PTPN3: variants seen among roughly 807,000 people sequenced by gnomAD.
PTPN3 encodes the protein protein tyrosine phosphatase non-receptor type 3.
Under a neutral mutation model 132.7 loss-of-function variants are expected in PTPN3, and 96 were observed. That is an observed-to-expected ratio of 0.72 (90% CI 0.61 to 0.86). The LOEUF is 0.86. Ranked by LOEUF, PTPN3 falls within the 40% of genes least tolerant of loss-of-function variation. The pLI is 0.00. For missense variants in PTPN3, 1,125 were observed against 1,159.6 expected, an observed-to-expected ratio of 0.97 and a Z score of 0.43; for synonymous variants, 398 against 429.0, an observed-to-expected ratio of 0.93 and a Z score of 0.89.
At chr9:109,451,114 A>G (rs1400442288) in intron 5 of PTPN3, 25 of 970,730 alleles carry the variant, frequency 2.6e-5, no homozygotes, top group Non-Finnish European at 2.9e-5. Flanking sequence ...TCTGGCAGCT[A>G]GTCGTGGTGG....
intron 1 of PTPN3, among the ~76,000 whole-genome samples, chr9:109,485,449 A>G (rs1158646184): frequency 1.3e-5 from 2 of 152,224 alleles, no homozygotes; most frequent in East Asian, 1.9e-4. Flanking sequence ...CGGAGCTTGC[A>G]GTGAGCCGAG....
chr9:109,382,441 C>T lies in PTPN3; in HGVS notation c.2389G>A (p.Glu797Lys), dbSNP rs1265458936. The T allele has an allele frequency of 1.2e-5, 19 of 1,614,018 alleles. No individual in the cohort carries two copies. Among genetic ancestry groups the T allele is most frequent in the East Asian group, 6.7e-5 (3 of 44,896 alleles). ...TGGAGATGTGTCACTGTGTGTTCTT[C>T]CCCGGTCTGTGGGAGATGCAGTGGC... Reference protein sequence around the residue: ...EMLVTNTQTGEEHTVTHLQYV... With the variant: ...EMLVTNTQTGKEHTVTHLQYV... Residue 797 changes from glutamate (E) to lysine (K), a missense_variant, in exon 24 of 26, where the codon GAA (glutamate) becomes AAA (lysine). Glu to Lys is a moderately conservative substitution (Grantham distance 56, BLOSUM62 1). Coordinates refer to ENST00000374541, the MANE Select transcript of PTPN3 (RefSeq NM_002829.4).
chr9:109,493,660 C>T (rs1374481202), intron 1 of PTPN3, among the ~76,000 whole-genome samples: 1 of 152,204 alleles, frequency 6.6e-6, no homozygotes, highest in Admixed American at 6.5e-5. Flanking sequence ...ATTCTTTTTT[C>T]ACACTACAGA....
chr9:109,502,136 T>A (rs906935703), upstream of PTPN3, among the ~76,000 whole-genome samples: 1 of 152,192 alleles, frequency 6.6e-6, no homozygotes, highest in Non-Finnish European at 1.5e-5. Context: ...GAGATGAACA[T>A]CTAAACATAG....
upstream of PTPN3, among the ~76,000 whole-genome samples, chr9:109,499,846 G>A (rs993039893): frequency 1.3e-5 from 2 of 152,144 alleles, no homozygotes; most frequent in East Asian, 3.9e-4. Flanking sequence ...AGGACCGCCC[G>A]CGCCCCGCCC....
the PTPN3 span, among the ~76,000 whole-genome samples, chr9:109,506,591 T>TTTTC: frequency 1.0e-4 from 14 of 136,842 alleles, no homozygotes; most frequent in African/African-American, 3.3e-4. Flanking sequence ...TCTCTCTTTC[T>TTTTC]TTTCTTTCTT....
intron 5 of PTPN3, chr9:109,449,460 C>T: frequency 1.0e-6 from 1 of 985,532 alleles, no homozygotes; most frequent in East Asian, 1.1e-4. Flanking sequence ...GAATTCTGCA[C>T]TCATCTCTGG....
chr9:109,437,059 T>C, intron 8 of PTPN3, 89 bp from the exon 9 acceptor site: 1 of 1,565,190 alleles, frequency 6.4e-7, no homozygotes, highest in East Asian at 2.3e-5. Flanking sequence ...TTTGATACCA[T>C]TTCTGTAAGG....
At chr9:109,387,246 G>C (rs1839664815) in intron 22 of PTPN3, among the ~76,000 whole-genome samples, 1 of 152,220 alleles carries the variant, frequency 6.6e-6, no homozygotes, top group Admixed American at 6.5e-5. Flanking sequence ...TCAGTGCCTA[G>C]ATCCATTTGC....
intron 12 of PTPN3, among the ~76,000 whole-genome samples, chr9:109,424,073 A>T (rs533027854): frequency 6.6e-6 from 1 of 152,222 alleles, no homozygotes; most frequent in South Asian, 2.1e-4. Flanking sequence ...GATGAAGAGC[A>T]CAGGATCAAA....
chr9:109,391,129 C>T lies in PTPN3; in HGVS notation c.2106+9G>A. ...GTGCTCTTAAGCATCATCCAGATTC[C>T]TAACTTACGTTCACGTAACTTGCAT... On this transcript the variant is annotated intron_variant, in intron 21 of 25. Coordinates refer to ENST00000374541, the MANE Select transcript of PTPN3 (RefSeq NM_002829.4). The T allele has an allele frequency of 6.2e-7, 1 of 1,610,206 alleles. No homozygotes were observed. The highest frequency in any genetic ancestry group is 8.5e-7 in the Non-Finnish European group (1 of 1,176,682).
At chr9:109,420,906 C>T (rs985565149) in intron 13 of PTPN3, among the ~76,000 whole-genome samples, 1 of 152,142 alleles carries the variant, frequency 6.6e-6, no homozygotes, top group African/African-American at 2.4e-5. Flanking sequence ...AGTTATTCTT[C>T]CAGGAGGACT....
intron 5 of PTPN3, 114 bp from the exon 6 acceptor site, chr9:109,448,969 A>G: frequency 6.7e-7 from 1 of 1,495,126 alleles, no homozygotes; most frequent in South Asian, 1.4e-5. Context: ...AGATACATAA[A>G]AATACGGTTT....
chr9:109,507,820 C>T, the PTPN3 span, among the ~76,000 whole-genome samples: 5 of 152,194 alleles, frequency 3.3e-5, no homozygotes, highest in Non-Finnish European at 7.3e-5. Flanking sequence ...CCATCCATAA[C>T]ACTCTTCTTC....
chr9:109,448,902 CAAAAAAAAAAA>C (rs35966698), intron 5 of PTPN3, 47 bp from the exon 6 acceptor site: 1 of 1,014,344 alleles, frequency 9.9e-7, no homozygotes, highest in Non-Finnish European at 1.3e-6. Flanking sequence ...CTGAAATAAG[CAAAAAAAAAAA>C]AAAAAGAAAG....
upstream of PTPN3, among the ~76,000 whole-genome samples, chr9:109,499,969 G>GC (rs1554810514): frequency 6.6e-6 from 1 of 152,194 alleles, no homozygotes; most frequent in Non-Finnish European, 1.5e-5. Context: ...CGGGGCCGGA[G>GC]CCCCCGGAAG....
chr9:109,407,794 C>A (rs1405957076), intron 17 of PTPN3, among the ~76,000 whole-genome samples: 1 of 152,202 alleles, frequency 6.6e-6, no homozygotes, highest in Non-Finnish European at 1.5e-5. Flanking sequence ...GTGATTCACC[C>A]TCCTCGGCCT....
At chr9:109,448,129 T>C (rs1446880644) in intron 6 of PTPN3, among the ~76,000 whole-genome samples, 1 of 152,216 alleles carries the variant, frequency 6.6e-6, no homozygotes. Flanking sequence ...AATTGCTTCA[T>C]GGGATACTGT....
chr9:109,453,642 G>A (rs1443395247), intron 5 of PTPN3, among the ~76,000 whole-genome samples: 2 of 152,120 alleles, frequency 1.3e-5, no homozygotes, highest in African/African-American at 2.4e-5. Context: ...TGTACTTGCT[G>A]ATTCACTGAG....
Sources: gnomAD v4.1 joint callset for allele counts (sites outside exome capture counted in the v4.1 genomes callset) on GRCh38, gnomAD v4.1.1 for gene constraint, MANE v1.5 for transcripts, NCBI Gene and HGNC (gene_info 2026-07-23, HGNC 2026-07-21) for gene names.